Variants in USP10 observed in about 807,000 individuals in gnomAD.
The protein encoded by USP10 is ubiquitin specific peptidase 10.
In USP10, 22 loss-of-function variants were observed where a neutral mutation model predicts 84.5. The observed-to-expected ratio is 0.26, with a 90% CI of 0.19 to 0.37. The LOEUF (loss-of-function observed/expected upper bound fraction) is 0.37. Ranked by LOEUF, USP10 falls within the 10% of genes least tolerant of loss-of-function variation. USP10 has a pLI of 1.00. For missense variants in USP10, 1,019 were observed against 998.9 expected, an observed-to-expected ratio of 1.02 and a Z score of -0.27; for synonymous variants, 454 against 387.6, an observed-to-expected ratio of 1.17 and a Z score of -2.01.
intron 4 of USP10, among the ~76,000 whole-genome samples, chr16:84,748,010 C>T (rs1911443360): frequency 6.6e-6 from 1 of 151,460 alleles, no homozygotes; most frequent in Non-Finnish European, 1.5e-5. Context: ...AAAAATCAGC[C>T]AGGCGTGGTG....
At chr16:84,700,646 G>C (rs186466717) in intron 1 of USP10, among the ~76,000 whole-genome samples, 61 of 152,328 alleles carry the variant, frequency 4.0e-4, no homozygotes, top group African/African-American at 1.2e-3. Context: ...TTTTTAGATA[G>C]AAGTAGCAGA....
At chr16:84,739,805 C>T (rs1567617283) in intron 2 of USP10, among the ~76,000 whole-genome samples, 1 of 152,204 alleles carries the variant, frequency 6.6e-6, no homozygotes, top group Non-Finnish European at 1.5e-5. Flanking sequence ...AAGGGAGCTG[C>T]AGTCACCAGG....
chr16:84,712,124 A>T (rs992983561), intron 1 of USP10, among the ~76,000 whole-genome samples: 1 of 152,056 alleles, frequency 6.6e-6, no homozygotes, highest in Non-Finnish European at 1.5e-5. Flanking sequence ...TCATCAGTTG[A>T]TCTCTTTTCT....
In USP10 at chr16:84,702,400, A is replaced by G. The variant is rs555776183; in HGVS notation, c.21+2289A>G. Reference sequence around the variant, plus strand: ...TCATTTTAAAAGAATAGTAATGCAAACAAGTAATGGAATCATGTATGACAG... The same window carrying G: ...TCATTTTAAAAGAATAGTAATGCAAGCAAGTAATGGAATCATGTATGACAG... On this transcript the variant is annotated intron_variant, in intron 1 of 13. Transcript: ENST00000219473. 1.1e-4 allele frequency among the ~76,000 whole-genome samples: 17 copies of G among 152,216 alleles called. No homozygotes were observed. The South Asian group carries it at 1.9e-3, about 17-fold the overall frequency.
At chr16:84,750,943 G>A (rs1204469258) in intron 4 of USP10, among the ~76,000 whole-genome samples, 1 of 152,124 alleles carries the variant, frequency 6.6e-6, no homozygotes, top group Non-Finnish European at 1.5e-5. Flanking sequence ...AAAGGCATTG[G>A]ATCAAGAAAC....
At chr16:84,768,092 T>C (rs760539726) in intron 10 of USP10, 101 bp from the exon 11 acceptor site, 163 of 1,290,874 alleles carry the variant, frequency 1.3e-4, no homozygotes, top group Non-Finnish European at 1.6e-4. Context: ...GAAAGTGATA[T>C]TGAATAATCT....
In USP10 at chr16:84,767,338, G is replaced by GA. The variant is rs954863753; in HGVS notation, c.1833-845dup. On this transcript the variant is annotated intron_variant, in intron 10 of 13. Coordinates refer to ENST00000219473, the MANE Select transcript of USP10 (RefSeq NM_005153.3). The stretch of plus-strand genomic sequence containing the variant: ...TTTACTCAGAAAAACTTAGAAAAAG[G>GA]AAAAAAAAAATGAAATGAAAAACCA... Among the ~76,000 whole-genome samples, 338 of 147,550 alleles carry GA rather than the reference G, an allele frequency of 2.3e-3. 1 individual carries two copies. Among genetic ancestry groups the GA allele is most frequent in the Non-Finnish European group, 2.5e-3 (167 of 66,690 alleles).
At chr16:84,700,354 C>T (rs986876345) in intron 1 of USP10, among the ~76,000 whole-genome samples, 5 of 152,000 alleles carry the variant, frequency 3.3e-5, no homozygotes, top group African/African-American at 1.2e-4. Flanking sequence ...CTCCGGGCCC[C>T]GCTTGGGGAG....
intron 13 of USP10, among the ~76,000 whole-genome samples, chr16:84,776,085 A>T (rs1242397934): frequency 6.6e-6 from 1 of 152,172 alleles, no homozygotes; most frequent in Non-Finnish European, 1.5e-5. Flanking sequence ...ACCTCTTCCC[A>T]AGATATTCTT....
intron 1 of USP10, among the ~76,000 whole-genome samples, chr16:84,712,824 T>C (rs1455623631): frequency 1.3e-5 from 2 of 152,204 alleles, no homozygotes; most frequent in Non-Finnish European, 2.9e-5. Context: ...ATATAAGTTA[T>C]TTGGTTTTAT....
chr16:84,757,399 GGGGGT>G (rs879493904), intron 4 of USP10, among the ~76,000 whole-genome samples: 3,479 of 70,332 alleles, frequency 0.049, 45 homozygotes, highest in Non-Finnish European at 0.08. Flanking sequence ...TGAGAGGGGT[GGGGGT>G]GTGTGTGTGT....
intron 13 of USP10, among the ~76,000 whole-genome samples, chr16:84,778,040 G>C (rs1915194730): frequency 6.7e-6 from 1 of 149,378 alleles, no homozygotes; most frequent in African/African-American, 2.5e-5. Flanking sequence ...TTTTGTTTTA[G>C]GCCTTTGACT....
intron 1 of USP10, among the ~76,000 whole-genome samples, chr16:84,723,686 A>G (rs1184779313): frequency 1.3e-5 from 2 of 152,258 alleles, no homozygotes; most frequent in Non-Finnish European, 2.9e-5. Context: ...CTAAACAAAG[A>G]TGGATCTAAC....
chr16:84,749,281 T>C (rs1911620888), intron 4 of USP10, among the ~76,000 whole-genome samples: 1 of 152,240 alleles, frequency 6.6e-6, no homozygotes, highest in African/African-American at 2.4e-5. Context: ...CACTTTTAAG[T>C]GTAGGCCCAC....
intron 4 of USP10, among the ~76,000 whole-genome samples, chr16:84,757,431 G>A (rs1457848809): frequency 6.7e-6 from 1 of 148,566 alleles, no homozygotes; most frequent in African/African-American, 2.5e-5. Flanking sequence ...GTGTGTGTGT[G>A]TGTGTGTGTG....
intron 3 of USP10, among the ~76,000 whole-genome samples, chr16:84,744,138 G>T (rs1441003450): frequency 6.6e-6 from 1 of 151,552 alleles, no homozygotes; most frequent in Non-Finnish European, 1.5e-5. Flanking sequence ...TATCCAGTAT[G>T]TATAGGATTC....
chr16:84,704,587 A>G (rs1244028818), intron 1 of USP10, among the ~76,000 whole-genome samples: 7 of 152,220 alleles, frequency 4.6e-5, no homozygotes, highest in Admixed American at 3.9e-4. Context: ...GGCTGGATGA[A>G]GAATTAGTGT....
At chr16:84,724,543 C>G (rs181209668) in intron 1 of USP10, among the ~76,000 whole-genome samples, 1 of 152,142 alleles carries the variant, frequency 6.6e-6, no homozygotes, top group African/African-American at 2.4e-5. Context: ...CTACTTTGTT[C>G]GCTTCTCAGG....
Position 84,735,811 on chromosome 16 carries a change from AAG to A in USP10, c.90+2311_90+2312del, listed in dbSNP as rs141499076. Among the ~76,000 whole-genome samples the A allele has an allele frequency of 9.5e-3, 1,450 of 152,306 alleles. 17 individuals carry two copies. Among genetic ancestry groups the A allele is most frequent in the African/African-American group, 0.032 (1,334 of 41,556 alleles). On this transcript the variant is annotated intron_variant, in intron 2 of 13. Transcript: ENST00000219473. Reference sequence around the variant, plus strand: ...ACGGTGAAGTTTGGAGGGGTATAAAAAGAGTTTATCAAAATCACAGTAACCTG... The same window carrying A: ...ACGGTGAAGTTTGGAGGGGTATAAAAAGTTTATCAAAATCACAGTAACCTG...
Sources: allele counts gnomAD v4.1 joint callset (sites outside exome capture counted in the v4.1 genomes callset), GRCh38; gene constraint gnomAD v4.1.1; transcripts MANE v1.5; gene names NCBI Gene and HGNC (gene_info 2026-07-23, HGNC 2026-07-21).